The following KHDRBS2 variants were observed in gnomAD, a reference collection of about 807,000 sequenced individuals.
KHDRBS2 encodes KH domain-containing, RNA-binding, signal transduction-associated protein 2.
Under a neutral mutation model 44.3 loss-of-function variants are expected in KHDRBS2, and 26 were observed. The ratio of observed to expected loss-of-function variants is 0.59; its 90% CI spans 0.43 to 0.81. The LOEUF (loss-of-function observed/expected upper bound fraction) is 0.81. Ranked by LOEUF, KHDRBS2 falls within the 40% of genes least tolerant of loss-of-function variation. The pLI, the probability that KHDRBS2 is intolerant of heterozygous loss-of-function variation, is 0.00. For synonymous variants in KHDRBS2, 194 were observed against 151.1 expected (o/e 1.28, Z -2.08); for missense variants, 476 against 433.1 (o/e 1.10, Z -0.88).
intron 2 of KHDRBS2, among the ~76,000 whole-genome samples, chr6:62,156,172 T>C (rs1476862836): frequency 6.6e-6 from 1 of 152,192 alleles, no homozygotes; most frequent in African/African-American, 2.4e-5. Context: ...AGGTACCGAA[T>C]CACTGTGTGT....
At chr6:62,214,768 G>A (rs192728587) in intron 1 of KHDRBS2, among the ~76,000 whole-genome samples, 87 of 152,032 alleles carry the variant, frequency 5.7e-4, no homozygotes, top group African/African-American at 2.0e-3. Context: ...CCAGAGCAGC[G>A]AAACTAGCTG....
chr6:62,204,103 G>A (rs1206662090), intron 1 of KHDRBS2, among the ~76,000 whole-genome samples: 2 of 152,120 alleles, frequency 1.3e-5, no homozygotes, highest in South Asian at 2.1e-4. Flanking sequence ...AGATGCTGGT[G>A]TCATCTTCCT....
chr6:61,761,125 G>A (rs539259687), intron 6 of KHDRBS2, among the ~76,000 whole-genome samples: 1 of 152,268 alleles, frequency 6.6e-6, no homozygotes, highest in Admixed American at 6.5e-5. Context: ...TTGTCTTTTA[G>A]GTAAGGTTTT....
chr6:61,665,931 A>G, the KHDRBS2 span, among the ~76,000 whole-genome samples: 3,709 of 151,016 alleles, frequency 0.025, 70 homozygotes, highest in Middle Eastern at 0.085. Context: ...TTAAAAAACT[A>G]TTATACTTAG....
At chr6:62,066,122 T>C (rs536386732) in intron 2 of KHDRBS2, among the ~76,000 whole-genome samples, 1 of 148,800 alleles carries the variant, frequency 6.7e-6, no homozygotes, top group African/African-American at 2.4e-5. Flanking sequence ...TCAAAAAGAT[T>C]CATTAAAAAT....
chr6:61,938,837 G>A (rs1376526473), intron 4 of KHDRBS2, among the ~76,000 whole-genome samples: 2 of 152,098 alleles, frequency 1.3e-5, no homozygotes, highest in Non-Finnish European at 2.9e-5. Context: ...TGATCTCGTG[G>A]TTCTATAGTT....
intron 1 of KHDRBS2, among the ~76,000 whole-genome samples, chr6:62,263,050 C>T (rs1838626289): frequency 6.6e-6 from 1 of 151,628 alleles, no homozygotes; most frequent in African/African-American, 2.4e-5. Context: ...ATGAAACAAA[C>T]CTGATTTTCA....
At chr6:62,020,072 T>G (rs549576499) in intron 3 of KHDRBS2, among the ~76,000 whole-genome samples, 8 of 152,140 alleles carry the variant, frequency 5.3e-5, no homozygotes, top group Admixed American at 3.9e-4. Context: ...AAGTTCCACC[T>G]AAATTTGATT....
chr6:61,907,993 T>A (rs1260374948), intron 4 of KHDRBS2, among the ~76,000 whole-genome samples: 1 of 152,222 alleles, frequency 6.6e-6, no homozygotes, highest in African/African-American at 2.4e-5. Flanking sequence ...TTGAATAGTA[T>A]TGAGTTCTAA....
intron 6 of KHDRBS2, among the ~76,000 whole-genome samples, chr6:61,767,280 C>G (rs1271621703): frequency 2.6e-5 from 4 of 151,928 alleles, no homozygotes; most frequent in Non-Finnish European, 5.9e-5. Flanking sequence ...AGCTACTCCT[C>G]CTCTTTTTTG....
rs549350597 is a variant in KHDRBS2 at position 61,793,640 on chromosome 6, G to A, written c.811-60876C>T. ...TAAATGTATTTGGGGAGTCTATGGGGGTATGTTATATTATTCTGCATATCT... is the reference window on the plus strand; with the variant it reads ...TAAATGTATTTGGGGAGTCTATGGGAGTATGTTATATTATTCTGCATATCT... On this transcript the variant is annotated intron_variant, in intron 6 of 8. Coordinates refer to ENST00000281156, the MANE Select transcript of KHDRBS2 (RefSeq NM_152688.4). Among the ~76,000 whole-genome samples the A allele has an allele frequency of 3.3e-5, 5 of 151,796 alleles. No homozygotes were observed. The South Asian group carries it at 1.0e-3, about 32-fold the overall frequency.
chr6:61,666,906 G>C, the KHDRBS2 span, among the ~76,000 whole-genome samples: 1 of 150,578 alleles, frequency 6.6e-6, no homozygotes, highest in Non-Finnish European at 1.5e-5. Flanking sequence ...AGAAGCCCAA[G>C]TCTCTGAACT....
At chr6:61,996,365 G>A (rs1339288317) in intron 3 of KHDRBS2, among the ~76,000 whole-genome samples, 8 of 152,152 alleles carry the variant, frequency 5.3e-5, no homozygotes, top group Non-Finnish European at 1.0e-4. Flanking sequence ...TTAAATACAA[G>A]AGACAAATAG....
At chr6:62,084,136 G>T (rs982262847) in intron 2 of KHDRBS2, among the ~76,000 whole-genome samples, 9 of 152,104 alleles carry the variant, frequency 5.9e-5, no homozygotes, top group Non-Finnish European at 2.9e-5. Flanking sequence ...ATTGAATAAT[G>T]GAGATTGCAG....
intron 2 of KHDRBS2, among the ~76,000 whole-genome samples, chr6:62,110,156 G>A (rs1804667892): frequency 6.6e-6 from 1 of 151,984 alleles, no homozygotes; most frequent in Non-Finnish European, 1.5e-5. Context: ...TAATAGAATT[G>A]TTTACATTAA....
At chr6:62,254,955 A>AG (rs989548192) in intron 1 of KHDRBS2, among the ~76,000 whole-genome samples, 7 of 152,100 alleles carry the variant, frequency 4.6e-5, no homozygotes, top group Admixed American at 1.3e-4. Flanking sequence ...TATATCCAAA[A>AG]TAAATGTTAG....
downstream of KHDRBS2, chr6:61,679,006 A>G (rs548094207): frequency 6.6e-6 from 1 of 152,034 alleles, no homozygotes; most frequent in South Asian, 2.1e-4. Flanking sequence ...AGCATTTTGT[A>G]AAAGGCAAAT....
At chr6:61,631,335 A>ATG in the KHDRBS2 span, among the ~76,000 whole-genome samples, 1 of 104,736 alleles carries the variant, frequency 9.5e-6, no homozygotes, top group East Asian at 2.7e-4. Flanking sequence ...AAAAAAAAAA[A>ATG]AAGACAATAC....
At chr6:61,884,442 GAAGTAATTTAAAAATAAA>G in intron 6 of KHDRBS2, among the ~76,000 whole-genome samples, 1 of 152,146 alleles carries the variant, frequency 6.6e-6, no homozygotes, top group African/African-American at 2.4e-5. Context: ...GAGAAAATAT[GAAGTAATTTAAAAATAAA>G]TTAAACGTAT....
Sources: allele counts gnomAD v4.1 joint callset (sites outside exome capture counted in the v4.1 genomes callset), GRCh38; gene constraint gnomAD v4.1.1; transcripts MANE v1.5; gene names NCBI Gene and HGNC (gene_info 2026-07-23, HGNC 2026-07-21).